Variants in ABLIM1 observed in about 807,000 individuals in gnomAD.
The protein encoded by ABLIM1 is actin binding LIM protein 1.
Under a neutral mutation model 107.0 loss-of-function variants are expected in ABLIM1, and 40 were observed. The ratio of observed to expected loss-of-function variants is 0.37; its 90% CI spans 0.29 to 0.49. The LOEUF is 0.49. Among genes scored for constraint, ABLIM1 ranks in the 20% least tolerant of loss-of-function variants. The probability of loss-of-function intolerance (pLI) is 0.97; values close to 1 mark genes in which losing one functional copy is unlikely to be tolerated. For missense variants in ABLIM1, 857 were observed against 1,008.5 expected (o/e 0.85, Z 2.04); for synonymous variants, 357 against 357.3 (o/e 1.00, Z 0.01).
chr10:114,625,029 T>C (rs1012522704), intron 1 of ABLIM1, among the ~76,000 whole-genome samples: 3 of 152,202 alleles, frequency 2.0e-5, no homozygotes, highest in African/African-American at 7.2e-5. Context: ...AAGAACAATT[T>C]ATTTTGAAAC....
intron 6 of ABLIM1, among the ~76,000 whole-genome samples, chr10:114,530,259 G>A (rs2065307793): frequency 6.6e-6 from 1 of 152,126 alleles, no homozygotes. Flanking sequence ...AAGGGACTCA[G>A]TGCTAAGGCT....
At chr10:114,716,307 G>A (rs1423278682) in intron 1 of ABLIM1, among the ~76,000 whole-genome samples, 1 of 152,046 alleles carries the variant, frequency 6.6e-6, no homozygotes, top group African/African-American at 2.4e-5. Flanking sequence ...TGTTTCTGCA[G>A]CTCTGGTTGC....
intron 2 of ABLIM1, among the ~76,000 whole-genome samples, chr10:114,577,093 A>AC (rs1320641654): frequency 1.3e-5 from 2 of 152,226 alleles, no homozygotes; most frequent in Admixed American, 6.5e-5. Flanking sequence ...GTAGCGGGTC[A>AC]CAGAACCTTA....
At chr10:114,704,338 C>CACGT (rs2081377177) in intron 1 of ABLIM1, among the ~76,000 whole-genome samples, 1 of 90,166 alleles carries the variant, frequency 1.1e-5, no homozygotes, top group Admixed American at 1.0e-4. Context: ...ATATATATTG[C>CACGT]GCGCGTTACA....
chr10:114,753,639 T>C (rs560252140), intron 1 of ABLIM1, among the ~76,000 whole-genome samples: 40 of 152,356 alleles, frequency 2.6e-4, no homozygotes, highest in African/African-American at 8.7e-4. Context: ...GTTTTATAGA[T>C]AGTTAAATGG....
chr10:114,474,147 G>C (rs1842126298), intron 8 of ABLIM1, among the ~76,000 whole-genome samples, 191 bp from the exon 9 acceptor site: 1 of 152,144 alleles, frequency 6.6e-6, no homozygotes, highest in Admixed American at 6.5e-5. Context: ...GTTTTGAAAA[G>C]GCATGGGGAG....
the ABLIM1 span, among the ~76,000 whole-genome samples, chr10:114,774,017 C>T: frequency 1.3e-5 from 2 of 151,346 alleles, no homozygotes; most frequent in South Asian, 4.2e-4. Context: ...AAATGTGGTT[C>T]TTTGAAAAGA....
chr10:114,479,950 A>G (rs1407819212), intron 8 of ABLIM1, among the ~76,000 whole-genome samples: 2 of 152,176 alleles, frequency 1.3e-5, no homozygotes, highest in Non-Finnish European at 2.9e-5. Context: ...TATGGCTAAG[A>G]TATCTTCAAA....
chr10:114,757,605 T>A (rs1258400397), intron 1 of ABLIM1, among the ~76,000 whole-genome samples: 1 of 152,188 alleles, frequency 6.6e-6, no homozygotes, highest in African/African-American at 2.4e-5. Flanking sequence ...TTTAGAAACA[T>A]TTCCAGAATC....
intron 6 of ABLIM1, among the ~76,000 whole-genome samples, chr10:114,527,559 T>C (rs1164820582): frequency 6.6e-6 from 1 of 152,036 alleles, no homozygotes; most frequent in Non-Finnish European, 1.5e-5. Context: ...TCTATGCATG[T>C]GAACAGAGAG....
At chr10:114,768,321 C>A (rs907943724), upstream of ABLIM1, among the ~76,000 whole-genome samples, 4 of 147,550 alleles carry the variant, frequency 2.7e-5, no homozygotes, top group Non-Finnish European at 6.0e-5. Flanking sequence ...GGCGCGCCTC[C>A]CCCGCCCCGA....
chr10:114,758,847 G>A (rs576391057), intron 1 of ABLIM1, among the ~76,000 whole-genome samples: 27 of 152,114 alleles, frequency 1.8e-4, no homozygotes, highest in Non-Finnish European at 3.7e-4. Context: ...CACAGGTAAA[G>A]TTTCTTCATT....
chr10:114,655,562 C>T (rs1268504974), intron 1 of ABLIM1, among the ~76,000 whole-genome samples: 1 of 152,188 alleles, frequency 6.6e-6, no homozygotes, highest in Non-Finnish European at 1.5e-5. Flanking sequence ...CAGAAATCTA[C>T]ATGTTTCATT....
intron 1 of ABLIM1, among the ~76,000 whole-genome samples, chr10:114,714,351 T>A (rs757926101): frequency 1.3e-5 from 2 of 152,186 alleles, no homozygotes; most frequent in African/African-American, 4.8e-5. Flanking sequence ...TCTATGGACA[T>A]GGAGTGTAGA....
At chr10:114,644,796 C>A (rs929702408) in intron 1 of ABLIM1, among the ~76,000 whole-genome samples, 2 of 152,142 alleles carry the variant, frequency 1.3e-5, no homozygotes, top group Non-Finnish European at 2.9e-5. Flanking sequence ...AAAGTTAGGC[C>A]AGGCCAGGTG....
intron 1 of ABLIM1, among the ~76,000 whole-genome samples, chr10:114,681,467 T>A (rs1253472560): frequency 6.6e-6 from 1 of 152,192 alleles, no homozygotes; most frequent in Non-Finnish European, 1.5e-5. Flanking sequence ...AGTGCTGGGA[T>A]TATAGGCATG....
At chr10:114,515,651 G>T (rs2475235) in intron 6 of ABLIM1, among the ~76,000 whole-genome samples, 43 of 152,322 alleles carry the variant, frequency 2.8e-4, no homozygotes, top group Admixed American at 5.2e-4. Context: ...AATACCTCAG[G>T]GTGTGACCTT....
the ABLIM1 span, among the ~76,000 whole-genome samples, chr10:114,787,256 T>C: frequency 9.3e-5 from 14 of 149,956 alleles, no homozygotes; most frequent in South Asian, 2.1e-4. Context: ...CCTCTCCGCC[T>C]GGCAACCGCC....
intron 1 of ABLIM1, among the ~76,000 whole-genome samples, chr10:114,671,238 G>T (rs993171678): frequency 6.6e-6 from 1 of 152,196 alleles, no homozygotes; most frequent in Non-Finnish European, 1.5e-5. Flanking sequence ...ATGCCTATGT[G>T]ACTCATCCAT....
Sources: allele counts gnomAD v4.1 joint callset (sites outside exome capture counted in the v4.1 genomes callset), GRCh38; gene constraint gnomAD v4.1.1; transcripts MANE v1.5; gene names NCBI Gene and HGNC (gene_info 2026-07-23, HGNC 2026-07-21).